The following CLNK variants were observed in gnomAD, a reference collection of about 807,000 sequenced individuals.
The protein encoded by CLNK is cytokine-dependent hematopoietic cell linker.
A neutral mutation model predicts 68.6 loss-of-function variants in CLNK; 74 were observed. The observed-to-expected ratio is 1.08, with a 90% confidence interval of 0.89 to 1.31. The LOEUF (loss-of-function observed/expected upper bound fraction) is 1.31, where lower values mean the gene tolerates loss of function less well. Among genes scored for constraint, CLNK ranks in the 50% most tolerant of loss-of-function variants. The pLI, the probability that CLNK is intolerant of heterozygous loss-of-function variation, is 0.00. For synonymous variants in CLNK, 198 were observed against 172.2 expected, an observed-to-expected ratio of 1.15 and a Z score of -1.17; for missense variants, 553 against 515.3, an observed-to-expected ratio of 1.07 and a Z score of -0.71.
intron 1 of CLNK, among the ~76,000 whole-genome samples, chr4:10,673,435 T>G (rs962061186): frequency 6.6e-6 from 1 of 152,074 alleles, no homozygotes; most frequent in Non-Finnish European, 1.5e-5. Context: ...CCATCAGTGA[T>G]AGACTGGATT....
the CLNK span, among the ~76,000 whole-genome samples, chr4:10,721,226 C>G: frequency 6.6e-6 from 1 of 152,016 alleles, no homozygotes; most frequent in Non-Finnish European, 1.5e-5. Context: ...TATAGAAGGG[C>G]TGCATCCTGG....
chr4:10,501,087 G>A (rs1717024386), intron 18 of CLNK, among the ~76,000 whole-genome samples, 169 bp downstream of exon 18: 1 of 152,254 alleles, frequency 6.6e-6, no homozygotes, highest in Admixed American at 6.5e-5. Flanking sequence ...TCGCTGGCCT[G>A]GTAGGCCAAA....
chr4:10,541,949 TTC>T (rs1719048996), intron 10 of CLNK, 71 bp downstream of exon 10: 2 of 1,146,990 alleles, frequency 1.7e-6, no homozygotes, highest in Non-Finnish European at 2.5e-6. Flanking sequence ...ATGTTTGTGT[TTC>T]TCTTTTTCAG....
chr4:10,643,091 G>C (rs1723372241), intron 2 of CLNK, among the ~76,000 whole-genome samples: 1 of 152,174 alleles, frequency 6.6e-6, no homozygotes, highest in Non-Finnish European at 1.5e-5. Context: ...TCTGGGTCTT[G>C]GCTGTGTGTG....
At chr4:10,713,333 G>A in the CLNK span, among the ~76,000 whole-genome samples, 2 of 152,200 alleles carry the variant, frequency 1.3e-5, no homozygotes, top group African/African-American at 4.8e-5. Context: ...CTGGGAAAAG[G>A]ATGTGTGAGT....
At chr4:10,617,671 T>C (rs1722288914) in intron 2 of CLNK, among the ~76,000 whole-genome samples, 1 of 152,204 alleles carries the variant, frequency 6.6e-6, no homozygotes, top group African/African-American at 2.4e-5. Context: ...AAGCTTATGG[T>C]TTGATTTTCA....
At chr4:10,667,064 G>T (rs1353810607) in intron 2 of CLNK, among the ~76,000 whole-genome samples, 1 of 152,114 alleles carries the variant, frequency 6.6e-6, no homozygotes, top group Non-Finnish European at 1.5e-5. Context: ...TTTTCAAAGG[G>T]TTAAGGAACT....
chr4:10,566,599 G>A (rs2108824221), intron 5 of CLNK, among the ~76,000 whole-genome samples: 1 of 152,232 alleles, frequency 6.6e-6, no homozygotes, highest in Middle Eastern at 3.4e-3. Context: ...GCAGGATACA[G>A]GATTAATATA....
chr4:10,503,843 C>T (rs900088190), intron 17 of CLNK, among the ~76,000 whole-genome samples: 2 of 130,530 alleles, frequency 1.5e-5, no homozygotes, highest in African/African-American at 5.8e-5. Flanking sequence ...AATGCAGTGG[C>T]ACAATCTCAG....
intron 15 of CLNK, among the ~76,000 whole-genome samples, chr4:10,519,798 C>T (rs1208852107): frequency 6.6e-6 from 1 of 151,976 alleles, no homozygotes; most frequent in Non-Finnish European, 1.5e-5. Context: ...GTATCAGTTG[C>T]CTACTACATG....
chr4:10,658,210 G>A (rs900162322), intron 2 of CLNK, among the ~76,000 whole-genome samples: 8 of 152,150 alleles, frequency 5.3e-5, no homozygotes, highest in Non-Finnish European at 2.9e-5. Flanking sequence ...TTAGCATCCT[G>A]CTCACCCACT....
intron 12 of CLNK, among the ~76,000 whole-genome samples, chr4:10,530,659 GA>G (rs1360155771): frequency 1.3e-5 from 2 of 152,162 alleles, no homozygotes; most frequent in African/African-American, 2.4e-5. Flanking sequence ...TTTGTGATTG[GA>G]GGGCCTACTG....
At position 10,521,408 on chromosome 4, in the gene CLNK, T is replaced by C. The variant is rs190650263; in HGVS notation, c.732-577A>G. The stretch of plus-strand genomic sequence containing the variant: ...TATCAAGACTGTTCATCAGTGGCTT[T>C]TCTTAGCACTCTACTTAATACTTAG... On this transcript the variant is annotated intron_variant, in intron 14 of 18. Coordinates refer to ENST00000226951, the MANE Select transcript of CLNK (RefSeq NM_052964.4). 6.4e-3 allele frequency among the ~76,000 whole-genome samples: 982 copies of C among 152,330 alleles called. 10 individuals are homozygous for C. The highest frequency in any genetic ancestry group is 0.022 in the African/African-American group (932 of 41,568).
Position 10,490,587 on chromosome 4 carries a change from G to T in CLNK, c.1167C>A (p.Ile389=). ...TAATGGGAAAATTCTTGTAGTGTTC[G>T]ATGATGTCTTCTACTGAATCAAACT... ...DEKFDSVEDI[I]EHYKNFPIIL... is the part of the protein sequence containing the mutation. Residue 389 remains isoleucine (I), a synonymous_variant, in exon 19 of 19, where the codon ATC becomes ATA. Coordinates refer to ENST00000226951, the MANE Select transcript of CLNK (RefSeq NM_052964.4). 6.3e-7 allele frequency: 1 copy of T among 1,578,694 alleles called. No homozygotes were observed.
At chr4:10,569,380 G>A (rs879814646) in intron 5 of CLNK, among the ~76,000 whole-genome samples, 68 of 151,614 alleles carry the variant, frequency 4.5e-4, no homozygotes, top group Admixed American at 2.7e-3. Flanking sequence ...CTCCCCACCC[G>A]TCCCCAAATG....
intron 11 of CLNK, among the ~76,000 whole-genome samples, chr4:10,537,698 C>T (rs766178025): frequency 0.018 from 227 of 12,888 alleles, 6 homozygotes; most frequent in Admixed American, 0.057. Flanking sequence ...TTCCTTCCTT[C>T]CTTCCTTCCT....
chr4:10,494,599 A>C (rs1374073760), intron 18 of CLNK, among the ~76,000 whole-genome samples: 2 of 152,030 alleles, frequency 1.3e-5, no homozygotes, highest in East Asian at 3.9e-4. Flanking sequence ...CTGGGATTAC[A>C]GGCATGTGCC....
chr4:10,681,774 C>T (rs61794277), intron 1 of CLNK, among the ~76,000 whole-genome samples: 21,721 of 152,130 alleles, frequency 0.14, 1,674 homozygotes, highest in South Asian at 0.18. Flanking sequence ...AGCACCATGC[C>T]GAGAGCAGGA....
chr4:10,622,633 T>C (rs1001042746), intron 2 of CLNK, among the ~76,000 whole-genome samples: 1 of 152,204 alleles, frequency 6.6e-6, no homozygotes, highest in African/African-American at 2.4e-5. Flanking sequence ...CATGGTTTGG[T>C]GGAAGGAACA....
Sources: gnomAD v4.1 joint callset for allele counts (sites outside exome capture counted in the v4.1 genomes callset) on GRCh38, gnomAD v4.1.1 for gene constraint, MANE v1.5 for transcripts, NCBI Gene and HGNC (gene_info 2026-07-23, HGNC 2026-07-21) for gene names.